The following RABGAP1L variants were observed in gnomAD, a reference collection of about 807,000 sequenced individuals.
RABGAP1L encodes RAB GTPase activating protein 1 like, also known as rab GTPase-activating protein 1-like.
A neutral mutation model predicts 137.7 loss-of-function variants in RABGAP1L; 63 were observed. The observed-to-expected ratio is 0.46, with a 90% CI of 0.37 to 0.56. RABGAP1L has a LOEUF of 0.56. Among genes scored for constraint, RABGAP1L ranks in the 20% least tolerant of loss-of-function variants. RABGAP1L has a pLI of 0.00. For missense variants in RABGAP1L, 1,095 were observed against 1,244.0 expected, an observed-to-expected ratio of 0.88 and a Z score of 1.80; for synonymous variants, 431 against 433.7, an observed-to-expected ratio of 0.99 and a Z score of 0.08.
intron 13 of RABGAP1L, among the ~76,000 whole-genome samples, chr1:174,513,581 A>G (rs761712026): frequency 3.3e-5 from 5 of 152,156 alleles, no homozygotes; most frequent in Admixed American, 1.3e-4. Flanking sequence ...CCACTGCACT[A>G]CAGCCTAGGC....
intron 1 of RABGAP1L, among the ~76,000 whole-genome samples, chr1:174,174,195 T>TAC (rs56864336): frequency 0.15 from 22,073 of 145,314 alleles, 1,881 homozygotes; most frequent in East Asian, 0.22. Context: ...GGAAAAAAAA[T>TAC]ACACACACAC....
chr1:174,778,437 A>G (rs540780541), intron 18 of RABGAP1L, among the ~76,000 whole-genome samples: 53 of 152,358 alleles, frequency 3.5e-4, no homozygotes, highest in African/African-American at 1.1e-3. Context: ...AGAAATATGA[A>G]TCTGCTCTAT....
chr1:174,518,334 G>T (rs1663051034), intron 13 of RABGAP1L, among the ~76,000 whole-genome samples: 1 of 152,078 alleles, frequency 6.6e-6, no homozygotes, highest in South Asian at 2.1e-4. Flanking sequence ...CAACCTCCAG[G>T]ATGCTCAAGT....
At chr1:174,541,325 A>T in intron 13 of RABGAP1L, among the ~76,000 whole-genome samples, 1 of 152,062 alleles carries the variant, frequency 6.6e-6, no homozygotes, top group East Asian at 1.9e-4. Context: ...TTCCAACACT[A>T]TGTTGAATAG....
chr1:174,332,641 C>T (rs146203676), intron 11 of RABGAP1L, among the ~76,000 whole-genome samples: 176 of 152,204 alleles, frequency 1.2e-3, no homozygotes, highest in African/African-American at 4.1e-3. Flanking sequence ...AGTGATTCAC[C>T]CTCCTCGGCC....
intron 13 of RABGAP1L, among the ~76,000 whole-genome samples, chr1:174,563,829 T>A (rs902607038): frequency 6.6e-6 from 1 of 152,184 alleles, no homozygotes; most frequent in South Asian, 2.1e-4. Flanking sequence ...GGGGGAAAGC[T>A]GTTGAATTGG....
chr1:174,358,942 T>A (rs1263320048), intron 11 of RABGAP1L, among the ~76,000 whole-genome samples: 1 of 152,168 alleles, frequency 6.6e-6, no homozygotes, highest in African/African-American at 2.4e-5. Flanking sequence ...ATTATAATTA[T>A]AATATGACGT....
At chr1:174,248,606 T>A (rs1232963038) in intron 5 of RABGAP1L, among the ~76,000 whole-genome samples, 1 of 152,158 alleles carries the variant, frequency 6.6e-6, no homozygotes, top group Non-Finnish European at 1.5e-5. Flanking sequence ...TTTAGGGTAA[T>A]CATTGGTTAA....
At chr1:174,494,880 T>C (rs898963710) in intron 13 of RABGAP1L, among the ~76,000 whole-genome samples, 1 of 152,040 alleles carries the variant, frequency 6.6e-6, no homozygotes, top group African/African-American at 2.4e-5. Flanking sequence ...AAGTCAAAGT[T>C]GGGGAGACTT....
At chr1:174,263,252 T>G (rs1406431482) in intron 7 of RABGAP1L, among the ~76,000 whole-genome samples, 2 of 152,220 alleles carry the variant, frequency 1.3e-5, no homozygotes, top group Non-Finnish European at 2.9e-5. Context: ...TCCAACAAAC[T>G]TCTTTGCTAT....
At chr1:174,737,181 T>A (rs911754929) in intron 17 of RABGAP1L, among the ~76,000 whole-genome samples, 1 of 152,198 alleles carries the variant, frequency 6.6e-6, no homozygotes, top group Non-Finnish European at 1.5e-5. Flanking sequence ...CTGCTTCCCT[T>A]TTAAATATAG....
At chr1:174,375,467 A>G (rs750471128) in intron 12 of RABGAP1L, among the ~76,000 whole-genome samples, 1 of 152,098 alleles carries the variant, frequency 6.6e-6, no homozygotes, top group Non-Finnish European at 1.5e-5. Flanking sequence ...CCATCTAACT[A>G]GACTGACCAA....
At chr1:174,406,999 T>C (rs74128391) in intron 13 of RABGAP1L, among the ~76,000 whole-genome samples, 5,271 of 152,332 alleles carry the variant, frequency 0.035, 119 homozygotes, top group Middle Eastern at 0.088. Context: ...TTCTAGAACA[T>C]ATTTAATTTA....
intron 14 of RABGAP1L, among the ~76,000 whole-genome samples, chr1:174,643,036 C>T (rs111542619): frequency 7.2e-5 from 11 of 152,184 alleles, no homozygotes; most frequent in South Asian, 2.1e-4. Flanking sequence ...TCGCCTGCCT[C>T]GGTCTCTCAG....
intron 13 of RABGAP1L, among the ~76,000 whole-genome samples, chr1:174,560,708 C>T (rs770505034): frequency 9.9e-5 from 15 of 152,124 alleles, no homozygotes; most frequent in Non-Finnish European, 1.5e-4. Context: ...TGGCCATCCT[C>T]CCCTTCGCAC....
At chr1:174,985,693 A>C (rs6703060) in intron 24 of RABGAP1L, among the ~76,000 whole-genome samples, 1,563 of 152,292 alleles carry the variant, frequency 0.01, 28 homozygotes, top group African/African-American at 0.036. Context: ...AGTGTTCCCA[A>C]ATATAAAGTG....
At chr1:174,758,515 T>G (rs1684956855) in intron 18 of RABGAP1L, among the ~76,000 whole-genome samples, 1 of 152,144 alleles carries the variant, frequency 6.6e-6, no homozygotes, top group Non-Finnish European at 1.5e-5. Flanking sequence ...TACCCATAGC[T>G]TAGCTCTCAC....
chr1:174,229,549 G>C (rs1221620464), intron 3 of RABGAP1L, among the ~76,000 whole-genome samples: 1 of 152,052 alleles, frequency 6.6e-6, no homozygotes, highest in Non-Finnish European at 1.5e-5. Context: ...CGGGGAAAGG[G>C]CAAGCACAGG....
At chr1:174,552,866 T>A (rs1010342689) in intron 13 of RABGAP1L, among the ~76,000 whole-genome samples, 1 of 152,206 alleles carries the variant, frequency 6.6e-6, no homozygotes, top group African/African-American at 2.4e-5. Flanking sequence ...TTCGTTTGTC[T>A]CCATAACCTC....
Sources: allele counts gnomAD v4.1 joint callset (sites outside exome capture counted in the v4.1 genomes callset), GRCh38; gene constraint gnomAD v4.1.1; transcripts MANE v1.5; gene names NCBI Gene and HGNC (gene_info 2026-07-23, HGNC 2026-07-21).